NR2C2: variants seen among roughly 807,000 people sequenced by gnomAD.
NR2C2 encodes nuclear receptor subfamily 2 group C member 2.
Under a neutral mutation model 62.9 loss-of-function variants are expected in NR2C2, and 6 were observed. That is an observed-to-expected ratio of 0.10 (90% CI 0.05 to 0.19). The LOEUF (loss-of-function observed/expected upper bound fraction) is 0.19. Ranked by LOEUF, NR2C2 falls within the 10% of genes least tolerant of loss-of-function variation. The probability of loss-of-function intolerance (pLI) is 1.00; values close to 1 mark genes in which losing one functional copy is unlikely to be tolerated. For synonymous variants in NR2C2, 272 were observed against 273.8 expected, an observed-to-expected ratio of 0.99 and a Z score of 0.07; for missense variants, 479 against 762.7, an observed-to-expected ratio of 0.63 and a Z score of 4.38.
intron 1 of NR2C2, among the ~76,000 whole-genome samples, chr3:14,969,017 G>A (rs1162085603): frequency 1.4e-5 from 2 of 144,076 alleles, no homozygotes; most frequent in Non-Finnish European, 3.0e-5. Context: ...GGATAGCATT[G>A]GGAGATATAC....
intron 13 of NR2C2, among the ~76,000 whole-genome samples, chr3:15,040,041 G>C (rs1216599987): frequency 1.3e-5 from 2 of 151,988 alleles, no homozygotes; most frequent in Non-Finnish European, 2.9e-5. Flanking sequence ...TGTAATCCCA[G>C]CTACTGGGGA....
chr3:15,007,054 C>T (rs1031563652), intron 2 of NR2C2, among the ~76,000 whole-genome samples: 44 of 151,722 alleles, frequency 2.9e-4, no homozygotes, highest in Non-Finnish European at 6.0e-4. Context: ...GGATTACAGG[C>T]GCGAGCCACT....
intron 1 of NR2C2, among the ~76,000 whole-genome samples, chr3:14,948,933 C>T (rs528503896): frequency 1.3e-5 from 2 of 152,238 alleles, no homozygotes; most frequent in East Asian, 3.9e-4. Flanking sequence ...GGGCTCTACT[C>T]AGAAAATGGA....
intron 2 of NR2C2, among the ~76,000 whole-genome samples, chr3:15,006,714 A>C (rs2041182406): frequency 6.6e-6 from 1 of 151,804 alleles, no homozygotes; most frequent in South Asian, 2.1e-4. Flanking sequence ...CATATACCAG[A>C]ACATTTCTCT....
intron 13 of NR2C2, 117 bp from the exon 14 acceptor site, chr3:15,042,717 T>C (rs1337443396): frequency 8.5e-6 from 7 of 827,802 alleles, no homozygotes; most frequent in Non-Finnish European, 1.3e-5. Flanking sequence ...GGTGGGTGGA[T>C]GGTGGATCCG....
chr3:15,013,511 C>T, intron 2 of NR2C2, 78 bp from the exon 3 acceptor site: 2 of 1,307,512 alleles, frequency 1.5e-6, no homozygotes, highest in Non-Finnish European at 2.2e-6. Flanking sequence ...TTTTGGCAGT[C>T]ACCACTTTGA....
At chr3:14,991,889 C>T (rs1056038461) in intron 1 of NR2C2, among the ~76,000 whole-genome samples, 1 of 151,506 alleles carries the variant, frequency 6.6e-6, no homozygotes, top group East Asian at 1.9e-4. Flanking sequence ...TCCGCCTCAG[C>T]CTCCTAAGCA....
At chr3:14,965,231 C>G (rs1043080110) in intron 1 of NR2C2, among the ~76,000 whole-genome samples, 11 of 152,130 alleles carry the variant, frequency 7.2e-5, no homozygotes, top group African/African-American at 2.7e-4. Context: ...GAATAATTAC[C>G]TTGAAAATAA....
At position 14,970,589 on chromosome 3, in the gene NR2C2, G is replaced by A. The variant is rs1447300612; in HGVS notation, c.-40+22683G>A. On this transcript the variant is annotated intron_variant, in intron 1 of 13. Transcript: ENST00000425241. ...AAATAGAATCATGTAATTGTCATTC[G>A]TTACTGGGCTTATTTCACTTAGTAT... Among the ~76,000 whole-genome samples, 3 of 152,202 alleles carry A rather than the reference G, an allele frequency of 2.0e-5. 1 individual carries two copies. Among genetic ancestry groups the A allele is most frequent in the South Asian group, 4.1e-4 (2 of 4,824 alleles).
Position 15,030,395 on chromosome 3 carries a change from G to A in NR2C2, c.1053G>A (p.Ser351=), listed in dbSNP as rs145188667. The A allele has an allele frequency of 1.6e-4, 258 of 1,610,920 alleles. No individual in the cohort carries two copies. In the African/African-American group the frequency reaches 3.1e-3, roughly 19 times the overall value. The stretch of plus-strand genomic sequence containing the variant: ...TCCACGTCATCAGCAGAGACCAGTC[G>A]ACACCCATCATTGAGGTTGAAGGCC... ...GSIHVISRDQ[S]TPIIEVEGPL... Residue 351 remains serine (S), a synonymous_variant, in exon 9 of 14, where the codon TCG becomes TCA. Transcript: ENST00000425241.
chr3:15,046,912 A>AG lies in NR2C2; in HGVS notation c.*3907dup, dbSNP rs1344522755. 6.6e-6 allele frequency: 1 copy of AG among 152,644 alleles called. No homozygotes were observed. The highest frequency in any genetic ancestry group is 1.5e-5 in the Non-Finnish European group (1 of 68,046). 9.5% of individuals were successfully genotyped at this position (152,644 alleles called of 1,614,324 possible). A position where few individuals can be genotyped will look rare whatever the true frequency, so the allele number is the denominator to read the frequency against. ...TTTAAAGCCAACCCCTCATCAAGAC[A>AG]GGGTTGGTTTGGGTCTTTTGTACAC... is the stretch of plus-strand genomic sequence containing the variant. On this transcript the variant is annotated 3_prime_UTR_variant, in exon 14 of 14. Coordinates refer to ENST00000425241, the MANE Select transcript of NR2C2 (RefSeq NM_001291694.2).
Position 15,043,196 on chromosome 3 carries a change from G to T in NR2C2, c.*188G>T. 2.3e-6 allele frequency: 1 copy of T among 428,584 alleles called. No homozygotes were observed. The highest frequency in any genetic ancestry group is 4.0e-6 in the Non-Finnish European group (1 of 250,654). 26.5% of individuals were successfully genotyped at this position (428,584 alleles called of 1,614,324 possible). ...CTAGTAGGATCCTTTCCTGACATAA[G>T]AAATGTTTTAATGCCTTTTGATGAA... On this transcript the variant is annotated 3_prime_UTR_variant, in exon 14 of 14. Transcript: ENST00000425241.
At chr3:15,029,267 G>A (rs1400931333) in intron 8 of NR2C2, among the ~76,000 whole-genome samples, 1 of 151,856 alleles carries the variant, frequency 6.6e-6, no homozygotes, top group African/African-American at 2.4e-5. Flanking sequence ...TATTTTTTCT[G>A]AGTAATGAAT....
chr3:14,949,750 G>T (rs1211212190), intron 1 of NR2C2, among the ~76,000 whole-genome samples: 1 of 151,380 alleles, frequency 6.6e-6, no homozygotes, highest in Non-Finnish European at 1.5e-5. Flanking sequence ...TCAAACATGT[G>T]AATATGATTT....
chr3:15,042,793 C>T, intron 13 of NR2C2, 41 bp from the exon 14 acceptor site: 1 of 1,586,704 alleles, frequency 6.3e-7, no homozygotes, highest in Non-Finnish European at 8.6e-7. Context: ...GGTTGAAGGG[C>T]ATCAAACAGT....
At chr3:14,994,732 C>T (rs1438724190) in intron 1 of NR2C2, among the ~76,000 whole-genome samples, 6 of 146,476 alleles carry the variant, frequency 4.1e-5, no homozygotes, top group East Asian at 4.1e-4. Context: ...TGAGCTGCCA[C>T]ACCCAACCTA....
At chr3:15,017,177 C>T (rs1483828679) in intron 4 of NR2C2, among the ~76,000 whole-genome samples, 1 of 152,168 alleles carries the variant, frequency 6.6e-6, no homozygotes, top group Non-Finnish European at 1.5e-5. Flanking sequence ...CCCAAGCAAG[C>T]ATCTACAGAA....
intron 1 of NR2C2, among the ~76,000 whole-genome samples, chr3:14,965,867 G>A (rs1159715014): frequency 1.3e-5 from 2 of 152,192 alleles, no homozygotes; most frequent in East Asian, 1.9e-4. Flanking sequence ...GTTTCGCCTT[G>A]TTGGCCAGGC....
chr3:15,007,887 T>C (rs1449800977), intron 2 of NR2C2, among the ~76,000 whole-genome samples: 2 of 152,202 alleles, frequency 1.3e-5, no homozygotes, highest in African/African-American at 2.4e-5. Flanking sequence ...TTCATAGATA[T>C]ATAAATGGAG....
Sources: gnomAD v4.1 joint callset for allele counts (sites outside exome capture counted in the v4.1 genomes callset) on GRCh38, gnomAD v4.1.1 for gene constraint, MANE v1.5 for transcripts, NCBI Gene and HGNC (gene_info 2026-07-23, HGNC 2026-07-21) for gene names.